The following PRKN variants were observed in gnomAD, a reference collection of about 807,000 sequenced individuals.
The protein encoded by PRKN is parkin RBR E3 ubiquitin protein ligase.
PRKN carries 56 observed loss-of-function variants against 59.5 expected under a neutral mutation model. The observed-to-expected ratio is 0.94, with a 90% confidence interval of 0.76 to 1.18. The LOEUF (loss-of-function observed/expected upper bound fraction) is 1.18, where lower values mean the gene tolerates loss of function less well. PRKN is among the 50% of genes most tolerant of loss of function. The pLI is 0.00. For synonymous variants in PRKN, 250 were observed against 222.1 expected (o/e 1.13, Z -1.12); for missense variants, 657 against 596.4 (o/e 1.10, Z -1.06).
chr6:162,532,667 AT>A (rs1778561443), intron 1 of PRKN, among the ~76,000 whole-genome samples: 1 of 152,228 alleles, frequency 6.6e-6, no homozygotes, highest in Non-Finnish European at 1.5e-5. Flanking sequence ...GTGATAAAAA[AT>A]AATCTATCTC....
Position 162,584,907 on chromosome 6 carries a change from CTCTTT to C in PRKN, c.8-141439_8-141435del, listed in dbSNP as rs1396530216. Among the ~76,000 whole-genome samples the C allele has an allele frequency of 5.5e-4, 52 of 94,002 alleles. 1 individual carries two copies. Among genetic ancestry groups the C allele is most frequent in the Admixed American group, 8.8e-4 (8 of 9,072 alleles). 61.7% of individuals were successfully genotyped at this position (94,002 alleles called of 152,430 possible). A position where few individuals can be genotyped will look rare whatever the true frequency, so the allele number is the denominator to read the frequency against. ...CTCCCCTCCCCTCCCCTCTCCTCTTCTCTTTTCTTTTCTTTTTGAGATGGAGTCTC... is the reference window on the plus strand; with the variant it reads ...CTCCCCTCCCCTCCCCTCTCCTCTTCTCTTTTCTTTTTGAGATGGAGTCTC... On this transcript the variant is annotated intron_variant, in intron 1 of 11. Coordinates refer to ENST00000366898, the MANE Select transcript of PRKN (RefSeq NM_004562.3).
chr6:162,398,975 T>A (rs1787625547), intron 2 of PRKN, among the ~76,000 whole-genome samples: 1 of 152,186 alleles, frequency 6.6e-6, no homozygotes, highest in Non-Finnish European at 1.5e-5. Context: ...CTTCTTCACA[T>A]GACTTAAAAC....
chr6:161,595,673 C>T (rs1282283891), intron 7 of PRKN, among the ~76,000 whole-genome samples: 4 of 152,120 alleles, frequency 2.6e-5, no homozygotes, highest in Admixed American at 2.6e-4. Flanking sequence ...TCAGTGCAAG[C>T]AGGGTGAGGT....
chr6:161,956,772 A>G (rs1780184913), intron 6 of PRKN, among the ~76,000 whole-genome samples: 5 of 152,118 alleles, frequency 3.3e-5, no homozygotes, highest in Admixed American at 3.3e-4. Flanking sequence ...CTATGTAAAA[A>G]CCAATGTGTG....
intron 7 of PRKN, among the ~76,000 whole-genome samples, chr6:161,613,578 G>GA (rs1782565461): frequency 6.6e-6 from 1 of 152,078 alleles, no homozygotes; most frequent in South Asian, 2.1e-4. Flanking sequence ...CATCTTTCAT[G>GA]AAAAAAGAGT....
At chr6:161,441,118 C>A (rs1485244741) in intron 9 of PRKN, among the ~76,000 whole-genome samples, 1 of 152,160 alleles carries the variant, frequency 6.6e-6, no homozygotes, top group South Asian at 2.1e-4. Flanking sequence ...AAGGGCCTAT[C>A]TGCGGCACAA....
rs372947655 is a variant in PRKN, at chr6:161,919,168, T to C, written c.734+54134A>G. 2.6e-5 allele frequency among the ~76,000 whole-genome samples: 4 copies of C among 152,306 alleles called. No individual in the cohort carries two copies. In the East Asian group the frequency reaches 5.8e-4, roughly 22 times the overall value. On this transcript the variant is annotated intron_variant, in intron 6 of 11. Transcript: ENST00000366898. ...AACAAAAGGTATCGTATCCTTGCAA[T>C]GGAGTTTTGCTCATCAAGAAGAGTT... is the stretch of plus-strand genomic sequence containing the variant.
At chr6:161,422,197 C>CTTTTTT (rs527857631) in intron 9 of PRKN, among the ~76,000 whole-genome samples, 1 of 130,086 alleles carries the variant, frequency 7.7e-6, no homozygotes, top group African/African-American at 3.0e-5. Context: ...CAAATAAAAT[C>CTTTTTT]TTTTTTTTTT....
chr6:162,527,586 G>A (rs180853717), intron 1 of PRKN, among the ~76,000 whole-genome samples: 14 of 152,268 alleles, frequency 9.2e-5, no homozygotes, highest in African/African-American at 2.9e-4. Context: ...ACTGGGTCAC[G>A]TATAAAGGTC....
At chr6:161,434,647 A>G (rs2115061868) in intron 9 of PRKN, among the ~76,000 whole-genome samples, 1 of 152,220 alleles carries the variant, frequency 6.6e-6, no homozygotes, top group South Asian at 2.1e-4. Context: ...CATCTCCTGG[A>G]GCCTTAATTT....
chr6:161,385,131 T>C lies in PRKN; in HGVS notation c.1167+1663A>G, dbSNP rs1786179650. Among the ~76,000 whole-genome samples the C allele has an allele frequency of 6.6e-6, 1 of 152,168 alleles. No individual in the cohort carries two copies. Among genetic ancestry groups the C allele is most frequent in the South Asian group, 2.1e-4 (1 of 4,832 alleles). ...TTTTAGTAGAGACGGGGTTTCACCA[T>C]GTTGGCCAGGCTGATCTCAATCTCT... On this transcript the variant is annotated intron_variant, in intron 10 of 11. Transcript: ENST00000366898. The surrounding 1 kb of genome is among the most constrained non-coding windows in gnomAD (Gnocchi z 4.9).
rs1554312764 is a variant in PRKN at position 162,390,396 on chromosome 6, T to TACACACACAC, written c.171+52904_171+52913dup. On this transcript the variant is annotated intron_variant, in intron 2 of 11. Coordinates refer to ENST00000366898, the MANE Select transcript of PRKN (RefSeq NM_004562.3). ...TAAGGTATATATATATATATATATA[T>TACACACACAC]ACACACACACACACACACACACACA... Among the ~76,000 whole-genome samples, 75 of 84,086 alleles carry TACACACACAC rather than the reference T, an allele frequency of 8.9e-4. 2 individuals are homozygous for TACACACACAC. Among genetic ancestry groups the TACACACACAC allele is most frequent in the African/African-American group, 3.3e-3 (72 of 22,082 alleles). 55.2% of individuals were successfully genotyped at this position (84,086 alleles called of 152,430 possible).
At chr6:162,295,005 T>C (rs1781601013) in intron 2 of PRKN, among the ~76,000 whole-genome samples, 1 of 152,202 alleles carries the variant, frequency 6.6e-6, no homozygotes, top group African/African-American at 2.4e-5. Context: ...CCTCTAGCTT[T>C]TCATTTGGAA....
intron 4 of PRKN, among the ~76,000 whole-genome samples, chr6:162,054,593 T>A (rs1189904143): frequency 6.6e-6 from 1 of 152,198 alleles, no homozygotes; most frequent in Non-Finnish European, 1.5e-5. Flanking sequence ...AAGGGCTGTC[T>A]GTCCCTAGTC....
rs1385989578 is a variant in PRKN at position 161,498,543 on chromosome 6, A to G, written c.1083+50311T>C. On this transcript the variant is annotated intron_variant, in intron 9 of 11. Coordinates refer to ENST00000366898, the MANE Select transcript of PRKN (RefSeq NM_004562.3). The surrounding 1 kb of genome is among the most constrained non-coding windows in gnomAD (Gnocchi z 4.2). The stretch of plus-strand genomic sequence containing the variant: ...TGTCGTCAAATGCCTTGTTTGGCCA[A>G]TGAAATGTGGGTGGCAATGACATGT... 6.6e-6 allele frequency among the ~76,000 whole-genome samples: 1 copy of G among 152,142 alleles called. No individual in the cohort carries two copies. Among genetic ancestry groups the G allele is most frequent in the Non-Finnish European group, 1.5e-5 (1 of 68,042 alleles).
intron 9 of PRKN, among the ~76,000 whole-genome samples, chr6:161,519,867 A>G (rs1449364527): frequency 7.9e-6 from 1 of 127,106 alleles, no homozygotes; most frequent in Non-Finnish European, 1.7e-5. Context: ...ACCCAGGACC[A>G]GAAGAAGAAC....
chr6:162,420,259 T>TGTC (rs35145413), intron 2 of PRKN, among the ~76,000 whole-genome samples: 1 of 80,426 alleles, frequency 1.2e-5, no homozygotes, highest in East Asian at 2.6e-4. Flanking sequence ...CATTTCACAA[T>TGTC]GGCGGGGAGG....
Position 161,645,940 on chromosome 6 carries a change from C to T in PRKN, c.872-76524G>A, listed in dbSNP as rs549712994. On this transcript the variant is annotated intron_variant, in intron 7 of 11. Transcript: ENST00000366898. ...TGACAGTGGTGACTGCGTGTGCATGCGTGGCGGAGGAGGTGGCGTATCAGT... is the reference window on the plus strand; with the variant it reads ...TGACAGTGGTGACTGCGTGTGCATGTGTGGCGGAGGAGGTGGCGTATCAGT... 8.6e-3 allele frequency among the ~76,000 whole-genome samples: 1,282 copies of T among 148,496 alleles called. 42 individuals are homozygous for T. The highest frequency in any genetic ancestry group is 0.032 in the Middle Eastern group (9 of 282).
chr6:161,967,693 T>C (rs958183923), intron 6 of PRKN, among the ~76,000 whole-genome samples: 2 of 152,204 alleles, frequency 1.3e-5, no homozygotes, highest in African/African-American at 2.4e-5. Context: ...AGGTCTATTA[T>C]TCCAGCTTGA....
Sources: allele counts gnomAD v4.1 joint callset (sites outside exome capture counted in the v4.1 genomes callset), GRCh38; gene constraint gnomAD v4.1.1; non-coding constraint Gnocchi (gnomAD v3.1); transcripts MANE v1.5; gene names NCBI Gene and HGNC (gene_info 2026-07-23, HGNC 2026-07-21).